Variants in GOLIM4 observed in about 807,000 individuals in gnomAD.
GOLIM4 encodes the protein 130 kDa golgi-localized phosphoprotein.
A neutral mutation model predicts 107.4 loss-of-function variants in GOLIM4; 71 were observed. That is an observed-to-expected ratio of 0.66 (90% confidence interval 0.55 to 0.81). GOLIM4 has a LOEUF of 0.81. Ranked by LOEUF, GOLIM4 falls within the 30% of genes least tolerant of loss-of-function variation. The probability of loss-of-function intolerance (pLI) is 0.00; values close to 1 mark genes in which losing one functional copy is unlikely to be tolerated. For missense variants in GOLIM4, 830 were observed against 826.1 expected, an observed-to-expected ratio of 1.00 and a Z score of -0.06; for synonymous variants, 327 against 294.8, an observed-to-expected ratio of 1.11 and a Z score of -1.12.
chr3:168,017,825 C>A (rs1433435932), intron 14 of GOLIM4, among the ~76,000 whole-genome samples: 3 of 152,014 alleles, frequency 2.0e-5, no homozygotes, highest in Non-Finnish European at 4.4e-5. Context: ...CTCAAAAATT[C>A]CTCTCTCTCT....
chr3:168,046,762 G>A (rs931814613), intron 3 of GOLIM4, among the ~76,000 whole-genome samples, 188 bp downstream of exon 3: 1 of 149,352 alleles, frequency 6.7e-6, no homozygotes, highest in Non-Finnish European at 1.5e-5. Flanking sequence ...AATGTGATAA[G>A]TAAAGGTAAG....
chr3:168,024,929 A>G lies in GOLIM4; in HGVS notation c.1790T>C (p.Val597Ala), dbSNP rs1462376489. The part of the protein sequence containing the change: ...QENTEVEEHL[V>A]MAGNPDQQED... ...CCCTTCCTCGTGGCATCTGCTTACC[A>G]CCAAATGTTCCTCCACTTCTGTATT... Residue 597 changes from valine (V) to alanine (A), a missense_variant and splice_region_variant, in exon 13 of 16, where the codon GTG (valine) becomes GCG (alanine). Physicochemically the swap from Val to Ala is moderately conservative, Grantham distance 64 (BLOSUM62 0). Transcript: ENST00000470487. The G allele has an allele frequency of 1.2e-6, 2 of 1,613,184 alleles. No homozygotes were observed. Among genetic ancestry groups the G allele is most frequent in the Non-Finnish European group, 1.7e-6 (2 of 1,179,444 alleles).
chr3:168,055,538 C>T (rs1385358575), intron 1 of GOLIM4, among the ~76,000 whole-genome samples: 1 of 152,008 alleles, frequency 6.6e-6, no homozygotes, highest in African/African-American at 2.4e-5. Context: ...GTGGCTCACG[C>T]CTGTAATCCC....
chr3:168,095,685 A>C lies in GOLIM4; in HGVS notation c.-400T>G. 1 of 184,022 alleles carries C rather than the reference A, an allele frequency of 5.4e-6. No individual in the cohort carries two copies. 11.4% of individuals were successfully genotyped at this position (184,022 alleles called of 1,614,324 possible). On this transcript the variant is annotated 5_prime_UTR_variant, in exon 1 of 16. Coordinates refer to ENST00000470487, the MANE Select transcript of GOLIM4 (RefSeq NM_014498.5). ...TCCCGCCCTGGCCACTCCCCGCCCT[A>C]TCGCGGCGGCTCCCACTGCACGACT... is the stretch of plus-strand genomic sequence containing the variant.
intron 14 of GOLIM4, among the ~76,000 whole-genome samples, chr3:168,023,574 G>T (rs1560071905): frequency 6.6e-6 from 1 of 152,228 alleles, no homozygotes; most frequent in Non-Finnish European, 1.5e-5. Context: ...CAGTGATGGG[G>T]TGTGTCTGTT....
At chr3:168,073,399 A>G (rs543841556) in intron 1 of GOLIM4, among the ~76,000 whole-genome samples, 24 of 152,390 alleles carry the variant, frequency 1.6e-4, no homozygotes, top group African/African-American at 5.3e-4. Context: ...ATGTGGAAAC[A>G]CAGCCATATA....
intron 1 of GOLIM4, among the ~76,000 whole-genome samples, chr3:168,089,161 T>C (rs1412648016): frequency 6.6e-6 from 1 of 152,218 alleles, no homozygotes; most frequent in Non-Finnish European, 1.5e-5. Flanking sequence ...TACACACAAA[T>C]AAAAATTACT....
chr3:168,013,059 T>C (rs571920555), intron 14 of GOLIM4, among the ~76,000 whole-genome samples: 4,309 of 150,076 alleles, frequency 0.029, 199 homozygotes, highest in African/African-American at 0.1. Context: ...TAAATGTAAA[T>C]GGACTAAATG....
chr3:168,083,926 G>T (rs1186848304), intron 1 of GOLIM4, among the ~76,000 whole-genome samples: 1 of 152,160 alleles, frequency 6.6e-6, no homozygotes, highest in African/African-American at 2.4e-5. Flanking sequence ...GAAGTGATGA[G>T]ATACCACTTC....
chr3:168,055,571 G>T (rs1719903287), intron 1 of GOLIM4, among the ~76,000 whole-genome samples: 1 of 152,080 alleles, frequency 6.6e-6, no homozygotes, highest in Non-Finnish European at 1.5e-5. Context: ...GGCCGAGGTG[G>T]AGGGATCATG....
chr3:168,063,956 T>C (rs1720413037), intron 1 of GOLIM4, among the ~76,000 whole-genome samples: 1 of 152,150 alleles, frequency 6.6e-6, no homozygotes, highest in South Asian at 2.1e-4. Flanking sequence ...CTTCTGAGGA[T>C]GATGTGACAT....
chr3:168,056,067 G>A (rs1273165417), intron 1 of GOLIM4, among the ~76,000 whole-genome samples: 1 of 152,228 alleles, frequency 6.6e-6, no homozygotes, highest in East Asian at 1.9e-4. Context: ...AGGCCCAGAG[G>A]CCTAGGAGGA....
intron 1 of GOLIM4, among the ~76,000 whole-genome samples, chr3:168,078,438 AAT>A (rs1226552245): frequency 1.3e-5 from 2 of 152,222 alleles, no homozygotes; most frequent in Non-Finnish European, 2.9e-5. Context: ...TAAATTGCTG[AAT>A]ATGAGTCACT....
intron 5 of GOLIM4, among the ~76,000 whole-genome samples, chr3:168,042,442 G>A (rs754070740): frequency 1.3e-5 from 2 of 152,050 alleles, no homozygotes; most frequent in Non-Finnish European, 2.9e-5. Flanking sequence ...CACGATGCCC[G>A]GCTAATTTTT....
rs200437702 is a variant in GOLIM4, at chr3:168,068,837, ATTTTTTTTTT to A, written c.188-20482_188-20473del. Among the ~76,000 whole-genome samples the A allele has an allele frequency of 6.2e-5, 9 of 146,206 alleles. No homozygotes were observed. In the South Asian group the frequency reaches 2.0e-3, roughly 32 times the overall value. On this transcript the variant is annotated intron_variant, in intron 1 of 15. Transcript: ENST00000470487. ...ACTTTAATTTATTTTATTTTATTTT[ATTTTTTTTTT>A]TTTTTTGAGACAGAGTTTCACTCTT...
rs758779679 is a variant in GOLIM4, at chr3:168,095,240, T to C, written c.46A>G (p.Thr16Ala). 11 of 1,613,516 alleles carry C rather than the reference T, an allele frequency of 6.8e-6. No individual in the cohort carries two copies. Among genetic ancestry groups the C allele is most frequent in the Non-Finnish European group, 6.8e-6 (8 of 1,179,994 alleles). ...CSRKQKRIFQTLLLLTVVFGF... is the reference protein window; with the variant it reads ...CSRKQKRIFQALLLLTVVFGF... Reference sequence around the variant, plus strand: ...AACACGACGGTCAGCAGCAGCAGCGTCTGGAAAATCCGCTTCTGCTTTCGG... The same window carrying C: ...AACACGACGGTCAGCAGCAGCAGCGCCTGGAAAATCCGCTTCTGCTTTCGG... The change falls in exon 1 of 16, where the codon ACG becomes GCG. Residue 16 changes from threonine (T) to alanine (A), a missense_variant. Physicochemically the swap from Thr to Ala is moderately conservative, Grantham distance 58 (BLOSUM62 0). Coordinates refer to ENST00000470487, the MANE Select transcript of GOLIM4 (RefSeq NM_014498.5).
Position 168,029,309 on chromosome 3 carries a change from G to C in GOLIM4, c.1434-7C>G. 3 of 1,584,612 alleles carry C rather than the reference G, an allele frequency of 1.9e-6. No individual in the cohort carries two copies. The highest frequency in any genetic ancestry group is 2.6e-6 in the Non-Finnish European group (3 of 1,156,950). On this transcript the variant is annotated splice_polypyrimidine_tract_variant and splice_region_variant and intron_variant, in intron 10 of 15. Coordinates refer to ENST00000470487, the MANE Select transcript of GOLIM4 (RefSeq NM_014498.5). ...ATCATAATGAGCTTGCTGCCTACAA[G>C]AGACACAAACATGATAAATCCAGTG... is the stretch of plus-strand genomic sequence containing the variant.
intron 8 of GOLIM4, among the ~76,000 whole-genome samples, chr3:168,036,178 A>T (rs1002420213): frequency 4.6e-5 from 7 of 152,206 alleles, no homozygotes; most frequent in African/African-American, 1.7e-4. Flanking sequence ...AAAAACTCAG[A>T]TACTACAACT....
intron 8 of GOLIM4, among the ~76,000 whole-genome samples, chr3:168,035,578 A>T (rs147891600): frequency 5.1e-4 from 77 of 152,340 alleles, no homozygotes; most frequent in African/African-American, 1.7e-3. Flanking sequence ...GTTCTCACTT[A>T]TAAGTGGGAG....
Sources: gnomAD v4.1 joint callset for allele counts (sites outside exome capture counted in the v4.1 genomes callset) on GRCh38, gnomAD v4.1.1 for gene constraint, MANE v1.5 for transcripts, NCBI Gene and HGNC (gene_info 2026-07-23, HGNC 2026-07-21) for gene names.